Variants in EXOC2 observed in about 807,000 individuals in gnomAD.
EXOC2 encodes SEC5-like 1.
In EXOC2, 70 loss-of-function variants were observed where a neutral mutation model predicts 131.8. That is an observed-to-expected ratio of 0.53 (90% CI 0.44 to 0.65). EXOC2 has a LOEUF of 0.65. EXOC2 is among the 30% of genes least tolerant of loss of function. The pLI is 0.00. For synonymous variants in EXOC2, 411 were observed against 398.4 expected (o/e 1.03, Z -0.38); for missense variants, 923 against 1,108.6 (o/e 0.83, Z 2.38).
At chr6:503,831 G>A (rs989384584) in intron 23 of EXOC2, among the ~76,000 whole-genome samples, 2 of 152,130 alleles carry the variant, frequency 1.3e-5, no homozygotes, top group Admixed American at 1.3e-4. Context: ...TACTGGCCTA[G>A]GGAGAGACCA....
chr6:595,251 T>G (rs1190244263), intron 10 of EXOC2, among the ~76,000 whole-genome samples: 1 of 152,062 alleles, frequency 6.6e-6, no homozygotes, highest in African/African-American at 2.4e-5. Context: ...CTATGCATAA[T>G]CTGGATTATG....
chr6:582,275 G>C (rs1211029671), intron 11 of EXOC2, among the ~76,000 whole-genome samples: 1 of 151,902 alleles, frequency 6.6e-6, no homozygotes, highest in Non-Finnish European at 1.5e-5. Context: ...ACCACAAAAA[G>C]GGCAGAAGAG....
chr6:551,628 G>C (rs572388303), intron 21 of EXOC2, among the ~76,000 whole-genome samples: 1 of 152,148 alleles, frequency 6.6e-6, no homozygotes, highest in Non-Finnish European at 1.5e-5. Flanking sequence ...ACACCAGGAG[G>C]GAGTGCCTGA....
chr6:670,881 T>C (rs1763832279), intron 1 of EXOC2, among the ~76,000 whole-genome samples: 1 of 151,744 alleles, frequency 6.6e-6, no homozygotes, highest in South Asian at 2.1e-4. Context: ...CCCATTGGGG[T>C]AGCTTTAAAT....
intron 12 of EXOC2, among the ~76,000 whole-genome samples, chr6:574,910 G>A (rs1758493807): frequency 6.6e-6 from 1 of 152,248 alleles, no homozygotes; most frequent in African/African-American, 2.4e-5. Flanking sequence ...TTTCCAGATG[G>A]CAGGTGGCGT....
chr6:538,995 G>A (rs186833716), intron 22 of EXOC2, among the ~76,000 whole-genome samples: 86 of 151,964 alleles, frequency 5.7e-4, no homozygotes, highest in Admixed American at 5.4e-3. Flanking sequence ...GCTTGAACCC[G>A]GGAGGCGGAG....
chr6:567,560 A>G (rs1758035622), intron 13 of EXOC2, among the ~76,000 whole-genome samples: 1 of 152,194 alleles, frequency 6.6e-6, no homozygotes, highest in Admixed American at 6.5e-5. Flanking sequence ...GTAGATATGT[A>G]TATGTGTAAA....
chr6:505,584 G>A (rs1180950392), intron 23 of EXOC2, among the ~76,000 whole-genome samples: 2 of 152,316 alleles, frequency 1.3e-5, no homozygotes, highest in South Asian at 2.1e-4. Flanking sequence ...GTGTTAGGAC[G>A]GCCCCGCCCC....
chr6:533,203 A>G (rs962039996), intron 22 of EXOC2, among the ~76,000 whole-genome samples: 5 of 152,188 alleles, frequency 3.3e-5, no homozygotes, highest in African/African-American at 7.2e-5. Context: ...TAGGGACAGA[A>G]AGCCTAACCA....
chr6:578,641 G>T (rs559460939), intron 11 of EXOC2, among the ~76,000 whole-genome samples: 13 of 152,256 alleles, frequency 8.5e-5, no homozygotes, highest in African/African-American at 3.1e-4. Context: ...TAGTGCAACA[G>T]AAGTTTTTTT....
At chr6:503,109 T>C (rs1764323601) in intron 23 of EXOC2, among the ~76,000 whole-genome samples, 1 of 152,000 alleles carries the variant, frequency 6.6e-6, no homozygotes, top group South Asian at 2.1e-4. Context: ...TAAAAATAAA[T>C]CATTGATGGT....
chr6:495,292 AT>A (rs376064050), intron 25 of EXOC2, among the ~76,000 whole-genome samples: 1 of 149,954 alleles, frequency 6.7e-6, no homozygotes, highest in Non-Finnish European at 1.5e-5. Context: ...CGCCCGGCTA[AT>A]TTTTTGTATT....
intron 25 of EXOC2, among the ~76,000 whole-genome samples, chr6:496,275 A>ACCC (rs1277151039): frequency 6.6e-6 from 1 of 152,232 alleles, no homozygotes; most frequent in Non-Finnish European, 1.5e-5. Flanking sequence ...AATTCAATTA[A>ACCC]ATTTGCATCC....
chr6:571,351 G>C (rs962979148), intron 13 of EXOC2, among the ~76,000 whole-genome samples: 2 of 152,182 alleles, frequency 1.3e-5, no homozygotes, highest in African/African-American at 4.8e-5. Flanking sequence ...ACACATTTCT[G>C]TTTTTATGCA....
intron 12 of EXOC2, among the ~76,000 whole-genome samples, chr6:575,534 C>CCATCCTCT (rs1368080177): frequency 5.9e-5 from 9 of 152,032 alleles, no homozygotes; most frequent in South Asian, 2.1e-4. Flanking sequence ...CGCTCCATCT[C>CCATCCTCT]CTGCCATGCG....
At chr6:521,778 T>G (rs1352563163) in intron 23 of EXOC2, among the ~76,000 whole-genome samples, 1 of 152,130 alleles carries the variant, frequency 6.6e-6, no homozygotes, top group Non-Finnish European at 1.5e-5. Flanking sequence ...TTCACCTACC[T>G]CAGCCTCCCA....
chr6:689,414 C>T (rs961458775), intron 1 of EXOC2, among the ~76,000 whole-genome samples: 1 of 152,216 alleles, frequency 6.6e-6, no homozygotes, highest in African/African-American at 2.4e-5. Flanking sequence ...CCAAACTCTT[C>T]TGCCTGTCAG....
chr6:632,294 C>T (rs1224059678), intron 3 of EXOC2, among the ~76,000 whole-genome samples: 1 of 152,194 alleles, frequency 6.6e-6, no homozygotes. Context: ...GTTACATACT[C>T]AGTCATGGTA....
chr6:657,185 A>C, intron 1 of EXOC2: 1 of 382,572 alleles, frequency 2.6e-6, no homozygotes, highest in South Asian at 1.2e-4. Flanking sequence ...CCTCTCACAA[A>C]ATGCTTCCGT....
Sources: allele counts gnomAD v4.1 joint callset (sites outside exome capture counted in the v4.1 genomes callset), GRCh38; gene constraint gnomAD v4.1.1; transcripts MANE v1.5; gene names NCBI Gene and HGNC (gene_info 2026-07-23, HGNC 2026-07-21).